Variants in LRRC72 observed in about 807,000 individuals in gnomAD.
LRRC72 encodes the protein leucine-rich repeat-containing protein 72.
Under a neutral mutation model 35.8 loss-of-function variants are expected in LRRC72, and 41 were observed. The observed-to-expected ratio is 1.15, with a 90% confidence interval of 0.89 to 1.49. The LOEUF is 1.49. LRRC72 is among the 40% of genes most tolerant of loss of function. The probability of loss-of-function intolerance (pLI) is 0.00; values close to 1 mark genes in which losing one functional copy is unlikely to be tolerated. For missense variants in LRRC72, 389 were observed against 330.7 expected (o/e 1.18, Z -1.37); for synonymous variants, 118 against 119.2 (o/e 0.99, Z 0.07).
Position 16,580,075 on chromosome 7 carries a change from T to C in LRRC72, c.672T>C (p.Asp224=), listed in dbSNP as rs752900886. 1.6e-5 allele frequency: 7 copies of C among 431,992 alleles called. No homozygotes were observed. Among genetic ancestry groups the C allele is most frequent in the South Asian group, 1.6e-4 (7 of 44,674 alleles). The allele number at this position is 431,992 out of a possible 1,614,324, so 26.8% of individuals were successfully genotyped here. A position where few individuals can be genotyped will look rare whatever the true frequency, so the allele number is the denominator to read the frequency against. Residue 224 remains aspartate, a splice_region_variant and synonymous_variant, in exon 8 of 9, where the codon GAT becomes GAC. Transcript: ENST00000401542. ...KQKPAQRVPS[D]FAFANNVDKT... ...CTTTAAAATGTATTTTTTTTTTAGA[T>C]TTTGCATTTGCAAATAATGTAGACA...
At chr7:16,558,623 T>TA (rs1427207319) in intron 4 of LRRC72, among the ~76,000 whole-genome samples, 2 of 151,178 alleles carry the variant, frequency 1.3e-5, no homozygotes, top group African/African-American at 4.9e-5. Flanking sequence ...AAAATAAAAA[T>TA]AAAAAAAAGG....
At chr7:16,569,520 G>T (rs980061950) in intron 7 of LRRC72, among the ~76,000 whole-genome samples, 2 of 152,100 alleles carry the variant, frequency 1.3e-5, no homozygotes, top group African/African-American at 4.8e-5. Flanking sequence ...GTGTAAATTG[G>T]AAAATCAATG....
At chr7:16,556,043 AT>A (rs1194134329) in intron 3 of LRRC72, among the ~76,000 whole-genome samples, 1 of 150,946 alleles carries the variant, frequency 6.6e-6, no homozygotes, top group Non-Finnish European at 1.5e-5. Flanking sequence ...CATCTTTTAA[AT>A]TTGATGGATG....
chr7:16,565,683 G>A (rs977713450), intron 5 of LRRC72, among the ~76,000 whole-genome samples: 2 of 152,068 alleles, frequency 1.3e-5, no homozygotes, highest in African/African-American at 2.4e-5. Context: ...TAGGAAGTGC[G>A]GTTTATCACA....
intron 3 of LRRC72, 75 bp downstream of exon 3, chr7:16,537,771 C>A: frequency 5.7e-6 from 5 of 870,462 alleles, no homozygotes; most frequent in Admixed American, 3.2e-5. Flanking sequence ...TAGAGCTAAT[C>A]TTTAAAAGTA....
intron 3 of LRRC72, among the ~76,000 whole-genome samples, chr7:16,538,645 C>A (rs1240425766): frequency 6.6e-6 from 1 of 152,186 alleles, no homozygotes; most frequent in Non-Finnish European, 1.5e-5. Context: ...TGTGTCTCCA[C>A]CCGAATCTCA....
At position 16,526,908 on chromosome 7, in the gene LRRC72, C is replaced by T. The variant is rs1382440994; in HGVS notation, c.-45C>T. On this transcript the variant is annotated 5_prime_UTR_variant, in exon 1 of 9. Coordinates refer to ENST00000401542, the MANE Select transcript of LRRC72 (RefSeq NM_001195280.2). ...GTCTCTCTTCGGTGCCACCGGCGGG[C>T]GAGGCCGGATTAATCACCGCTGCTT... 4.1e-6 allele frequency: 6 copies of T among 1,480,680 alleles called. No homozygotes were observed. In the East Asian group the frequency reaches 1.5e-4, roughly 36 times the overall value. 91.7% of individuals were successfully genotyped at this position (1,480,680 alleles called of 1,614,324 possible).
intron 3 of LRRC72, 75 bp downstream of exon 3, chr7:16,537,771 CT>C: frequency 1.1e-6 from 1 of 870,476 alleles, no homozygotes; most frequent in Non-Finnish European, 1.7e-6. Context: ...TAGAGCTAAT[CT>C]TTAAAAGTAT....
intron 3 of LRRC72, among the ~76,000 whole-genome samples, chr7:16,552,682 A>T (rs934105345): frequency 2.6e-5 from 4 of 152,218 alleles, no homozygotes; most frequent in Admixed American, 1.3e-4. Context: ...ACTCAAAACT[A>T]GCTTGAGAGA....
At position 16,580,010 on chromosome 7, in the gene LRRC72, C is replaced by A. The variant is rs17169551; in HGVS notation, c.671-64C>A. The A allele has an allele frequency of 6.7e-3, 2,354 of 352,154 alleles. 58 individuals are homozygous for A. The highest frequency in any genetic ancestry group is 0.048 in the African/African-American group (2,142 of 44,832). 21.8% of individuals were successfully genotyped at this position (352,154 alleles called of 1,614,324 possible). A position where few individuals can be genotyped will look rare whatever the true frequency, so the allele number is the denominator to read the frequency against. On this transcript the variant is annotated intron_variant, in intron 7 of 8. Transcript: ENST00000401542. ...ATACTTTTCCTTTATAGCATTGTTC[C>A]ACTGTTTTTAAATGCTGGATAAATA... is the stretch of plus-strand genomic sequence containing the variant.
chr7:16,553,818 G>A (rs1256729064), intron 3 of LRRC72, among the ~76,000 whole-genome samples: 1 of 152,106 alleles, frequency 6.6e-6, no homozygotes, highest in Non-Finnish European at 1.5e-5. Flanking sequence ...GTACCTAGTA[G>A]TACCCTAGTG....
chr7:16,567,575 T>G, intron 7 of LRRC72, 32 bp downstream of exon 7: 5 of 1,229,200 alleles, frequency 4.1e-6, no homozygotes, highest in Non-Finnish European at 4.3e-6. Flanking sequence ...AAAAACAAAT[T>G]TAATGAAATT....
intron 1 of LRRC72, 62 bp downstream of exon 1, chr7:16,527,104 C>T (rs1782083644): frequency 5.8e-6 from 8 of 1,368,114 alleles, no homozygotes; most frequent in Non-Finnish European, 8.0e-6. Context: ...AGGGCCCCAC[C>T]TCCTGCCTGA....
At chr7:16,548,487 C>A (rs1485486444) in intron 3 of LRRC72, among the ~76,000 whole-genome samples, 1 of 152,242 alleles carries the variant, frequency 6.6e-6, no homozygotes, top group Non-Finnish European at 1.5e-5. Context: ...TCTGTGGTTC[C>A]TGGCATCTTC....
intron 3 of LRRC72, among the ~76,000 whole-genome samples, chr7:16,556,125 C>G (rs1782645992): frequency 6.6e-6 from 1 of 151,672 alleles, no homozygotes; most frequent in Non-Finnish European, 1.5e-5. Flanking sequence ...TTCTGACATA[C>G]AGTTTAGCAT....
intron 7 of LRRC72, among the ~76,000 whole-genome samples, chr7:16,579,737 C>T (rs1426843853): frequency 6.6e-6 from 1 of 152,150 alleles, no homozygotes; most frequent in Non-Finnish European, 1.5e-5. Flanking sequence ...TAGGTTTCTG[C>T]ATATCAGCCT....
At chr7:16,554,392 A>G (rs1455053199) in intron 3 of LRRC72, among the ~76,000 whole-genome samples, 2 of 152,200 alleles carry the variant, frequency 1.3e-5, no homozygotes, top group Non-Finnish European at 2.9e-5. Context: ...GGACAATAGC[A>G]TATCTTATAA....
chr7:16,543,189 T>A (rs1782387175), intron 3 of LRRC72, among the ~76,000 whole-genome samples: 1 of 152,196 alleles, frequency 6.6e-6, no homozygotes, highest in Non-Finnish European at 1.5e-5. Context: ...AAAATCTAGA[T>A]TATACTAGCT....
At chr7:16,566,172 A>G in intron 5 of LRRC72, 141 bp from the exon 6 acceptor site, 1 of 496,238 alleles carries the variant, frequency 2.0e-6, no homozygotes, top group Non-Finnish European at 3.5e-6. Flanking sequence ...TAAAGGTTTA[A>G]TGGGTCTATT....
Sources: gnomAD v4.1 joint callset for allele counts (sites outside exome capture counted in the v4.1 genomes callset) on GRCh38, gnomAD v4.1.1 for gene constraint, MANE v1.5 for transcripts, NCBI Gene and HGNC (gene_info 2026-07-23, HGNC 2026-07-21) for gene names.